Variants in TENM4 observed in about 807,000 individuals in gnomAD.
The protein encoded by TENM4 is teneurin-4.
Under a neutral mutation model 243.3 loss-of-function variants are expected in TENM4, and 82 were observed. The observed-to-expected ratio is 0.34, with a 90% CI of 0.28 to 0.40. The LOEUF (loss-of-function observed/expected upper bound fraction) is 0.40, where lower values mean the gene tolerates loss of function less well. Ranked by LOEUF, TENM4 falls within the 10% of genes least tolerant of loss-of-function variation. TENM4 has a pLI of 1.00. For missense variants in TENM4, 3,138 were observed against 3,673.3 expected, an observed-to-expected ratio of 0.85 and a Z score of 3.77; for synonymous variants, 1,412 against 1,456.3, an observed-to-expected ratio of 0.97 and a Z score of 0.69.
intron 33 of TENM4, among the ~76,000 whole-genome samples, chr11:78,660,944 G>A (rs1858014892): frequency 6.6e-6 from 1 of 152,198 alleles, no homozygotes; most frequent in South Asian, 2.1e-4. Flanking sequence ...CTCAGCAAGA[G>A]GATACAGAAC....
chr11:78,825,806 A>G (rs1015276625), intron 12 of TENM4, among the ~76,000 whole-genome samples: 2 of 152,220 alleles, frequency 1.3e-5, no homozygotes, highest in Non-Finnish European at 2.9e-5. Flanking sequence ...CCGGCTGATC[A>G]TAATGCCAAC....
At chr11:79,436,467 T>C (rs758390513) in intron 1 of TENM4, among the ~76,000 whole-genome samples, 12 of 152,040 alleles carry the variant, frequency 7.9e-5, no homozygotes, top group Non-Finnish European at 1.5e-4. Context: ...TCCAACCCAA[T>C]AGTTAAGAGA....
intron 28 of TENM4, among the ~76,000 whole-genome samples, chr11:78,699,268 G>A (rs1297514800): frequency 6.6e-6 from 1 of 152,146 alleles, no homozygotes; most frequent in Non-Finnish European, 1.5e-5. Context: ...CATAACTATT[G>A]TCATCCCTAT....
intron 1 of TENM4, among the ~76,000 whole-genome samples, chr11:79,356,434 C>G (rs1857497825): frequency 6.6e-6 from 1 of 152,196 alleles, no homozygotes; most frequent in South Asian, 2.1e-4. Flanking sequence ...GTCATCACCA[C>G]TACTACTACA....
At chr11:78,937,211 C>T (rs1346427672) in intron 6 of TENM4, among the ~76,000 whole-genome samples, 1 of 152,130 alleles carries the variant, frequency 6.6e-6, no homozygotes, top group Non-Finnish European at 1.5e-5. Context: ...TAGATACCCA[C>T]TCTCCCAGTG....
intron 6 of TENM4, among the ~76,000 whole-genome samples, chr11:78,939,753 T>G (rs1856850896): frequency 6.6e-6 from 1 of 152,200 alleles, no homozygotes; most frequent in Admixed American, 6.5e-5. Flanking sequence ...AACAAATGTG[T>G]AGGTATAATC....
chr11:78,659,721 C>T (rs1474987258), intron 33 of TENM4, among the ~76,000 whole-genome samples: 1 of 152,204 alleles, frequency 6.6e-6, no homozygotes, highest in African/African-American at 2.4e-5. Flanking sequence ...TTCCTTGGGG[C>T]TCCTGGGGTG....
Position 78,729,641 on chromosome 11 carries a change from A to C in TENM4, c.3141T>G (p.Ala1047=). The C allele has an allele frequency of 6.2e-7, 1 of 1,606,214 alleles. No individual in the cohort carries two copies. Among genetic ancestry groups the C allele is most frequent in the Non-Finnish European group, 8.5e-7 (1 of 1,175,052 alleles). ...CAGAGATAGAGATTTCCTCCTGCAAAGCCTAGAAAGCAGAGGCAGATCACA... is the reference window on the plus strand; with the variant it reads ...CAGAGATAGAGATTTCCTCCTGCAACGCCTAGAAAGCAGAGGCAGATCACA... ...EKGPIVPEIQ[A]LQEEISISGC... Residue 1047 remains alanine (A), a splice_region_variant and synonymous_variant, in exon 22 of 34, where the codon GCT becomes GCG. Coordinates refer to ENST00000278550, the MANE Select transcript of TENM4 (RefSeq NM_001098816.3).
chr11:78,962,220 G>A (rs1414049340), intron 6 of TENM4: 4 of 152,486 alleles, frequency 2.6e-5, no homozygotes, highest in Non-Finnish European at 4.4e-5. Flanking sequence ...CTCAGAGTCT[G>A]AGTCCGGGGT....
At chr11:78,824,217 C>T (rs2136129409) in intron 12 of TENM4, among the ~76,000 whole-genome samples, 1 of 152,302 alleles carries the variant, frequency 6.6e-6, no homozygotes, top group African/African-American at 2.4e-5. Context: ...TTAAACGGCT[C>T]ATGGTTCTGC....
chr11:78,789,343 C>T (rs957709330), intron 15 of TENM4, among the ~76,000 whole-genome samples: 1 of 152,148 alleles, frequency 6.6e-6, no homozygotes, highest in Non-Finnish European at 1.5e-5. Context: ...CAAGCAGCCC[C>T]CTAGGATGTT....
intron 3 of TENM4, among the ~76,000 whole-genome samples, chr11:79,181,890 C>T (rs953532613): frequency 6.8e-6 from 1 of 148,102 alleles, no homozygotes; most frequent in African/African-American, 2.5e-5. Context: ...ATAAACCTGA[C>T]AAAATATGTA....
intron 4 of TENM4, chr11:79,095,954 C>T (rs1942884): frequency 0.14 from 21,368 of 152,186 alleles, 1,745 homozygotes; most frequent in Middle Eastern, 0.31. Context: ...GCCGGGAGAA[C>T]CCATTGAGGG....
intron 1 of TENM4, among the ~76,000 whole-genome samples, chr11:79,367,865 G>A (rs1857706475): frequency 6.6e-6 from 1 of 152,156 alleles, no homozygotes; most frequent in African/African-American, 2.4e-5. Context: ...CTTTCTTTTG[G>A]CAGGGTGGTG....
At chr11:78,723,119 T>G (rs1324703499) in intron 23 of TENM4, among the ~76,000 whole-genome samples, 1 of 152,232 alleles carries the variant, frequency 6.6e-6, no homozygotes, top group African/African-American at 2.4e-5. Context: ...ATTCACTCCA[T>G]AGCTCTGTAA....
chr11:79,120,139 G>A (rs1420237665), intron 4 of TENM4, among the ~76,000 whole-genome samples: 1 of 152,164 alleles, frequency 6.6e-6, no homozygotes, highest in Non-Finnish European at 1.5e-5. Flanking sequence ...AGTAGAAGAG[G>A]GAGTGCTTGT....
chr11:79,058,030 C>T (rs1859984940), intron 6 of TENM4, among the ~76,000 whole-genome samples: 1 of 152,152 alleles, frequency 6.6e-6, no homozygotes, highest in African/African-American at 2.4e-5. Flanking sequence ...TGTCATTTTT[C>T]TAGCATGTCA....
chr11:79,025,974 A>T (rs577625915), intron 6 of TENM4, among the ~76,000 whole-genome samples: 1 of 152,282 alleles, frequency 6.6e-6, no homozygotes, highest in Admixed American at 6.5e-5. Flanking sequence ...TGAGGAAAAA[A>T]ATACAACAGA....
At chr11:79,018,481 C>A (rs1168915428) in intron 6 of TENM4, among the ~76,000 whole-genome samples, 1 of 152,104 alleles carries the variant, frequency 6.6e-6, no homozygotes, top group Non-Finnish European at 1.5e-5. Flanking sequence ...CCCCCACACA[C>A]ATCCCTACCC....
Sources: gnomAD v4.1 joint callset for allele counts (sites outside exome capture counted in the v4.1 genomes callset) on GRCh38, gnomAD v4.1.1 for gene constraint, MANE v1.5 for transcripts, NCBI Gene and HGNC (gene_info 2026-07-23, HGNC 2026-07-21) for gene names.